GNG2: variants seen among roughly 807,000 people sequenced by gnomAD.
GNG2 encodes the protein guanine nucleotide-binding protein G(I)/G(S)/G(O) subunit gamma-2.
In GNG2, 5 loss-of-function variants were observed where a neutral mutation model predicts 5.5. The ratio of observed to expected loss-of-function variants is 0.91; its 90% confidence interval spans 0.48 to 1.92. The LOEUF is 1.92. Among genes scored for constraint, GNG2 ranks in the 30% most tolerant of loss-of-function variants. The probability of loss-of-function intolerance (pLI) is 0.01; values close to 1 mark genes in which losing one functional copy is unlikely to be tolerated. For synonymous variants in GNG2, 28 were observed against 32.0 expected (o/e 0.88, Z 0.42); for missense variants, 55 against 88.4 (o/e 0.62, Z 1.52).
At chr14:51,923,721 CTTTAT>C (rs1395076399) in intron 2 of GNG2, among the ~76,000 whole-genome samples, 1 of 152,072 alleles carries the variant, frequency 6.6e-6, no homozygotes, top group Non-Finnish European at 1.5e-5. Context: ...AAAAGTTTCA[CTTTAT>C]TTTATTTAAA....
upstream of GNG2, among the ~76,000 whole-genome samples, chr14:51,857,974 C>T (rs1882238987): frequency 6.6e-6 from 1 of 152,130 alleles, no homozygotes. Context: ...ATTACCCAAC[C>T]TCCGCTACCA....
chr14:51,950,427 T>C (rs972231677), intron 2 of GNG2, among the ~76,000 whole-genome samples: 1 of 152,180 alleles, frequency 6.6e-6, no homozygotes, highest in Non-Finnish European at 1.5e-5. Context: ...TGTGTTTTTT[T>C]TCTCTCTAAA....
rs77240501 is a variant in GNG2 at position 51,831,604 on chromosome 14, G to A, written c.64+3797G>A. ...GAGCAACCAATTCTGAGAGAAGGAA[G>A]GGAAAAGCTCATTTCTTTGTAGTAG... On this transcript the variant is annotated intron_variant, in intron 2 of 3. Coordinates refer to the GNG2 transcript ENST00000553432. Among the ~76,000 whole-genome samples the A allele has an allele frequency of 3.9e-5, 6 of 152,284 alleles. 1 individual carries two copies. In the East Asian group the frequency reaches 1.2e-3, roughly 29 times the overall value.
At chr14:51,857,239 G>A (rs1882205715), upstream of GNG2, among the ~76,000 whole-genome samples, 1 of 152,192 alleles carries the variant, frequency 6.6e-6, no homozygotes, top group Non-Finnish European at 1.5e-5. Flanking sequence ...GAAAAGCTGA[G>A]TCCTAAAGGA....
chr14:51,958,000 T>C (rs1889370373), intron 3 of GNG2, among the ~76,000 whole-genome samples: 1 of 152,248 alleles, frequency 6.6e-6, no homozygotes, highest in South Asian at 2.1e-4. Context: ...CTGACTAATG[T>C]GTTTTCCAGA....
chr14:51,881,701 C>CTTTTTTT (rs58544362), intron 2 of GNG2, among the ~76,000 whole-genome samples: 4 of 104,222 alleles, frequency 3.8e-5, no homozygotes, highest in East Asian at 2.8e-4. Flanking sequence ...AGCTGGAAGA[C>CTTTTTTT]TTTTTTTTTT....
chr14:51,882,054 G>GT (rs2140142523), intron 2 of GNG2, among the ~76,000 whole-genome samples: 1 of 152,224 alleles, frequency 6.6e-6, no homozygotes, highest in South Asian at 2.1e-4. Flanking sequence ...TTCTTATGCT[G>GT]TAATTTAAAC....
chr14:51,851,526 G>A (rs1473935358), intron 2 of GNG2, among the ~76,000 whole-genome samples: 1 of 152,194 alleles, frequency 6.6e-6, no homozygotes, highest in Non-Finnish European at 1.5e-5. Flanking sequence ...AGTGCTTACT[G>A]TATATCAGGC....
chr14:51,852,227 A>G (rs1405210378), intron 2 of GNG2, among the ~76,000 whole-genome samples: 2 of 152,224 alleles, frequency 1.3e-5, no homozygotes, highest in Non-Finnish European at 2.9e-5. Context: ...ACTAACAGAT[A>G]CTATAGGACT....
chr14:51,958,082 CT>C (rs1889373989), intron 3 of GNG2, among the ~76,000 whole-genome samples: 1 of 152,124 alleles, frequency 6.6e-6, no homozygotes, highest in African/African-American at 2.4e-5. Flanking sequence ...GGAATTTCCT[CT>C]TTTATTCAGT....
intron 1 of GNG2, among the ~76,000 whole-genome samples, chr14:51,873,596 G>T (rs1177236821): frequency 6.6e-6 from 1 of 152,218 alleles, no homozygotes; most frequent in Non-Finnish European, 1.5e-5. Context: ...GGGAGAAAAG[G>T]ATCATTTGGC....
chr14:51,896,367 A>G (rs1885193195), intron 2 of GNG2, among the ~76,000 whole-genome samples: 1 of 152,238 alleles, frequency 6.6e-6, no homozygotes, highest in Non-Finnish European at 1.5e-5. Flanking sequence ...AGATGAGAAA[A>G]TAGTCTCAAA....
At chr14:51,873,398 G>A (rs189875411) in intron 1 of GNG2, among the ~76,000 whole-genome samples, 1 of 152,332 alleles carries the variant, frequency 6.6e-6, no homozygotes, top group East Asian at 1.9e-4. Context: ...AGCAAGAGGG[G>A]GAGAGAAACT....
chr14:51,888,400 C>A (rs1168731336), intron 2 of GNG2, among the ~76,000 whole-genome samples: 1 of 152,074 alleles, frequency 6.6e-6, no homozygotes, highest in Non-Finnish European at 1.5e-5. Context: ...CTCACTGCAG[C>A]CTTGACCTCC....
At chr14:51,847,786 G>A (rs1313343578) in intron 2 of GNG2, among the ~76,000 whole-genome samples, 2 of 148,868 alleles carry the variant, frequency 1.3e-5, no homozygotes, top group Non-Finnish European at 3.0e-5. Context: ...AACTAAAATT[G>A]AGAATGTGCT....
intron 2 of GNG2, among the ~76,000 whole-genome samples, chr14:51,895,889 C>A (rs1320523934): frequency 6.6e-6 from 1 of 152,198 alleles, no homozygotes; most frequent in Non-Finnish European, 1.5e-5. Context: ...CCTGCACATG[C>A]TCTCTTTGCC....
At chr14:51,943,573 A>T (rs1888469807) in intron 2 of GNG2, among the ~76,000 whole-genome samples, 1 of 152,226 alleles carries the variant, frequency 6.6e-6, no homozygotes, top group African/African-American at 2.4e-5. Context: ...TTTTGTATGC[A>T]GTTACTTTAA....
chr14:51,849,515 G>A (rs76318607), intron 2 of GNG2, among the ~76,000 whole-genome samples: 1,780 of 152,290 alleles, frequency 0.012, 38 homozygotes, highest in African/African-American at 0.041. Flanking sequence ...TGAGGGAGGA[G>A]ATGGCGATCA....
intron 2 of GNG2, among the ~76,000 whole-genome samples, chr14:51,834,155 A>T (rs556446317): frequency 6.6e-6 from 1 of 152,346 alleles, no homozygotes; most frequent in East Asian, 1.9e-4. Flanking sequence ...GCTTTTGGAG[A>T]TGGGGGAAGA....
Sources: gnomAD v4.1 joint callset for allele counts (sites outside exome capture counted in the v4.1 genomes callset) on GRCh38, gnomAD v4.1.1 for gene constraint, MANE v1.5 for transcripts, NCBI Gene and HGNC (gene_info 2026-07-23, HGNC 2026-07-21) for gene names.